The following SLC7A2 variants were observed in gnomAD, a reference collection of about 807,000 sequenced individuals.
SLC7A2 encodes the protein solute carrier family 7 member 2.
A neutral mutation model predicts 58.9 loss-of-function variants in SLC7A2; 48 were observed. That is an observed-to-expected ratio of 0.82 (90% CI 0.65 to 1.04). SLC7A2 has a LOEUF of 1.04. Among genes scored for constraint, SLC7A2 ranks in the 50% least tolerant of loss-of-function variants. The pLI, the probability that SLC7A2 is intolerant of heterozygous loss-of-function variation, is 0.00. For missense variants in SLC7A2, 1,029 were observed against 818.8 expected (o/e 1.26, Z -3.13); for synonymous variants, 363 against 314.5 (o/e 1.15, Z -1.63).
chr8:17,510,211 C>T (rs544315761), intron 2 of SLC7A2, among the ~76,000 whole-genome samples: 1 of 149,332 alleles, frequency 6.7e-6, no homozygotes, highest in Non-Finnish European at 1.5e-5. Flanking sequence ...CAGAGCAAGA[C>T]TCTGTCTCAA....
At chr8:17,504,470 A>G (rs188862601) in intron 2 of SLC7A2, among the ~76,000 whole-genome samples, 377 of 152,348 alleles carry the variant, frequency 2.5e-3, no homozygotes, top group Non-Finnish European at 3.6e-3. Context: ...CCCATACTTG[A>G]TAGAATTGCC....
chr8:17,552,869 G>T (rs1036883431), intron 7 of SLC7A2, among the ~76,000 whole-genome samples: 2 of 152,066 alleles, frequency 1.3e-5, no homozygotes, highest in African/African-American at 4.8e-5. Context: ...TAATCTTTTT[G>T]GCAGATTAGT....
At chr8:17,557,981 C>G (rs1443044473) in intron 8 of SLC7A2, among the ~76,000 whole-genome samples, 1 of 152,062 alleles carries the variant, frequency 6.6e-6, no homozygotes, top group Non-Finnish European at 1.5e-5. Flanking sequence ...TGTTTTTCTT[C>G]TGAAATATCA....
At chr8:17,534,959 C>T (rs1801603419) in intron 2 of SLC7A2, among the ~76,000 whole-genome samples, 1 of 152,166 alleles carries the variant, frequency 6.6e-6, no homozygotes, top group African/African-American at 2.4e-5. Flanking sequence ...CCCCACCGCC[C>T]TTCCCCTAGA....
In SLC7A2 at chr8:17,554,579, C is replaced by T; in HGVS notation, c.1075C>T (p.Pro359Ser). The T allele has an allele frequency of 1.2e-6, 2 of 1,602,888 alleles. No homozygotes were observed. Among genetic ancestry groups the T allele is most frequent in the Non-Finnish European group, 8.5e-7 (1 of 1,176,664 alleles). The change falls in exon 8 of 13, where the codon CCA (proline) becomes TCA (serine). Residue 359 changes from proline to serine, a missense_variant. Transcript: ENST00000494857. ...ATTCAGTCTTCTTGGATCCATTTTC[C>T]CAATGCCTCGTGTAATCTATGCTAT... ...LSTSLLGSIF[P>S]MPRVIYAMAE...
intron 2 of SLC7A2, among the ~76,000 whole-genome samples, chr8:17,502,615 C>T (rs891518379): frequency 6.6e-6 from 1 of 152,022 alleles, no homozygotes; most frequent in Non-Finnish European, 1.5e-5. Context: ...TGTGAATGTA[C>T]CTTTTAGAAA....
At chr8:17,534,895 C>G (rs991687189) in intron 2 of SLC7A2, among the ~76,000 whole-genome samples, 1 of 152,088 alleles carries the variant, frequency 6.6e-6, no homozygotes, top group African/African-American at 2.4e-5. Context: ...TCATCCTCTT[C>G]CTTGACTCTC....
intron 2 of SLC7A2, chr8:17,511,224 C>G (rs943576882): frequency 2.6e-5 from 4 of 152,028 alleles, no homozygotes; most frequent in African/African-American, 7.3e-5. Flanking sequence ...CGTAGCAAAG[C>G]TGCACATTCT....
chr8:17,500,739 A>C (rs958800179), intron 1 of SLC7A2: 1 of 152,284 alleles, frequency 6.6e-6, no homozygotes, highest in Non-Finnish European at 1.5e-5. Context: ...CGGTGAGCCG[A>C]GATCGTGCCA....
intron 2 of SLC7A2, among the ~76,000 whole-genome samples, chr8:17,514,074 A>C (rs2150673032): frequency 6.6e-6 from 1 of 152,314 alleles, no homozygotes. Context: ...CTACAAGGGT[A>C]TATGGTCAGC....
intron 2 of SLC7A2, among the ~76,000 whole-genome samples, chr8:17,507,314 ATAATT>A (rs1800409326): frequency 6.6e-6 from 1 of 152,106 alleles, no homozygotes; most frequent in Admixed American, 6.6e-5. Flanking sequence ...ATGGTTAACT[ATAATT>A]TATTATATAA....
intron 2 of SLC7A2, among the ~76,000 whole-genome samples, chr8:17,529,704 T>A (rs1430518300): frequency 6.6e-6 from 1 of 151,912 alleles, no homozygotes; most frequent in African/African-American, 2.4e-5. Context: ...CCAGCTAATT[T>A]TTGTATTTTT....
At chr8:17,548,060 C>T (rs773088038) in intron 4 of SLC7A2, among the ~76,000 whole-genome samples, 14 of 152,126 alleles carry the variant, frequency 9.2e-5, no homozygotes, top group African/African-American at 2.2e-4. Context: ...GCAACTGGGC[C>T]GGGCATTGTG....
At chr8:17,499,820 T>C (rs925549532) in intron 1 of SLC7A2, among the ~76,000 whole-genome samples, 3 of 152,172 alleles carry the variant, frequency 2.0e-5, no homozygotes, top group African/African-American at 7.2e-5. Context: ...AAAAACCATA[T>C]AGATACAACC....
chr8:17,549,426 T>C (rs1312576528), intron 5 of SLC7A2, among the ~76,000 whole-genome samples: 1 of 152,264 alleles, frequency 6.6e-6, no homozygotes, highest in Non-Finnish European at 1.5e-5. Flanking sequence ...CCCATGCAGC[T>C]GCTGGTTCCC....
Position 17,570,176 on chromosome 8 carries a change from A to G in SLC7A2, c.*5030A>G, listed in dbSNP as rs2150800628. ...GTGTCTCACCAAGACCCAGTTGGGA[A>G]AGAGCGTCATATTGCCAACAGGTTG... On this transcript the variant is annotated 3_prime_UTR_variant, in exon 13 of 13. Transcript: ENST00000494857. 1 of 152,330 alleles carries G rather than the reference A, an allele frequency of 6.6e-6. No individual in the cohort carries two copies. The highest frequency in any genetic ancestry group is 1.5e-5 in the Non-Finnish European group (1 of 68,040). 9.4% of individuals were successfully genotyped at this position (152,330 alleles called of 1,614,324 possible). A position where few individuals can be genotyped will look rare whatever the true frequency, so the allele number is the denominator to read the frequency against.
At chr8:17,525,037 A>C (rs755867399) in intron 2 of SLC7A2, among the ~76,000 whole-genome samples, 4 of 152,266 alleles carry the variant, frequency 2.6e-5, no homozygotes, top group South Asian at 2.1e-4. Context: ...CTAACACAGA[A>C]CCATTTTTCC....
rs1000238100 is a variant in SLC7A2, at chr8:17,515,666, A to C, written c.-23+13364A>C. On this transcript the variant is annotated intron_variant, in intron 2 of 12. Coordinates refer to ENST00000494857, the MANE Select transcript of SLC7A2 (RefSeq NM_001370338.1). ...TTTTGGCAATGTGTGCTTTGCTGTA[A>C]TGTACCTACCCATATCTGACTATTG... Among the ~76,000 whole-genome samples, 4 of 152,152 alleles carry C rather than the reference A, an allele frequency of 2.6e-5. No individual in the cohort carries two copies. The East Asian group carries it at 7.7e-4, about 29-fold the overall frequency.
Position 17,569,060 on chromosome 8 carries a change from C to T in SLC7A2, c.*3914C>T, listed in dbSNP as rs961292883. 14 of 152,174 alleles carry T rather than the reference C, an allele frequency of 9.2e-5. No homozygotes were observed. The highest frequency in any genetic ancestry group is 3.4e-4 in the African/African-American group (14 of 41,442). 9.4% of individuals were successfully genotyped at this position (152,174 alleles called of 1,614,324 possible). Reference sequence around the variant, plus strand: ...GCTTAGCAGGAAGCATAAGGAAAAGCCATCGGCCTCCAATACCCATGATGA... The same window carrying T: ...GCTTAGCAGGAAGCATAAGGAAAAGTCATCGGCCTCCAATACCCATGATGA... On this transcript the variant is annotated 3_prime_UTR_variant, in exon 13 of 13. Transcript: ENST00000494857.
Sources: allele counts gnomAD v4.1 joint callset (sites outside exome capture counted in the v4.1 genomes callset), GRCh38; gene constraint gnomAD v4.1.1; transcripts MANE v1.5; gene names NCBI Gene and HGNC (gene_info 2026-07-23, HGNC 2026-07-21).